FAM168A: variants seen among roughly 807,000 people sequenced by gnomAD.
FAM168A encodes the protein protein FAM168A.
In FAM168A, 3 loss-of-function variants were observed where a neutral mutation model predicts 28.5. The observed-to-expected ratio is 0.11, with a 90% CI of 0.05 to 0.27. FAM168A has a LOEUF of 0.27. FAM168A is among the 10% of genes least tolerant of loss of function. The probability of loss-of-function intolerance (pLI) is 1.00; values close to 1 mark genes in which losing one functional copy is unlikely to be tolerated. For synonymous variants in FAM168A, 122 were observed against 124.2 expected (o/e 0.98, Z 0.12); for missense variants, 222 against 311.5 (o/e 0.71, Z 2.16).
At chr11:73,544,963 A>AATATATATTATATAATATATTTT (rs1943718791) in intron 1 of FAM168A, among the ~76,000 whole-genome samples, 1 of 92,730 alleles carries the variant, frequency 1.1e-5, no homozygotes, top group Non-Finnish European at 1.8e-5. Flanking sequence ...TATTATATAT[A>AATATATATTATATAATATATTTT]ATATATATTA....
intron 1 of FAM168A, among the ~76,000 whole-genome samples, chr11:73,498,563 C>T (rs1315866792): frequency 1.3e-5 from 2 of 152,184 alleles, no homozygotes; most frequent in African/African-American, 4.8e-5. Flanking sequence ...GTTTGAGCTC[C>T]TTGGGGAGGG....
intron 1 of FAM168A, among the ~76,000 whole-genome samples, chr11:73,596,731 T>A (rs1476222138): frequency 6.6e-6 from 1 of 151,798 alleles, no homozygotes; most frequent in African/African-American, 2.4e-5. Flanking sequence ...TCCAACCCAA[T>A]TCCCCCCTGC....
At chr11:73,596,772 C>A (rs1391485289) in intron 1 of FAM168A, among the ~76,000 whole-genome samples, 1 of 152,108 alleles carries the variant, frequency 6.6e-6, no homozygotes, top group African/African-American at 2.4e-5. Context: ...CCCTCTCCAT[C>A]CTCTCTGCCC....
intron 5 of FAM168A, among the ~76,000 whole-genome samples, chr11:73,409,863 G>A (rs957771518): frequency 1.3e-5 from 2 of 152,184 alleles, no homozygotes; most frequent in African/African-American, 4.8e-5. Context: ...TTGCTCATAA[G>A]GCTGCTATGA....
chr11:73,531,436 T>C (rs1184754499), intron 1 of FAM168A, among the ~76,000 whole-genome samples: 2 of 152,196 alleles, frequency 1.3e-5, no homozygotes, highest in Non-Finnish European at 2.9e-5. Context: ...GACAACATCC[T>C]GGAAGGCTTT....
In FAM168A at chr11:73,511,412, ATT is replaced by A. The variant is rs554730771; in HGVS notation, c.-18-42922_-18-42921del. On this transcript the variant is annotated intron_variant, in intron 1 of 7. Transcript: ENST00000356467. ...CCACTACGCCCGGCTAATTTTTTATATTTTCAGTAGAGACGGGGTTTCACCTG... is the reference window on the plus strand; with the variant it reads ...CCACTACGCCCGGCTAATTTTTTATATTCAGTAGAGACGGGGTTTCACCTG... Among the ~76,000 whole-genome samples the A allele has an allele frequency of 4.1e-4, 62 of 151,510 alleles. No homozygotes were observed. The South Asian group carries it at 0.012, about 30-fold the overall frequency.
At chr11:73,461,026 C>T (rs1867637490) in intron 2 of FAM168A, among the ~76,000 whole-genome samples, 2 of 152,158 alleles carry the variant, frequency 1.3e-5, no homozygotes, top group Admixed American at 6.5e-5. Context: ...TCTGTCCATC[C>T]ATTTGTTGAA....
intron 1 of FAM168A, among the ~76,000 whole-genome samples, chr11:73,553,111 T>C (rs1262591297): frequency 6.6e-6 from 1 of 152,224 alleles, no homozygotes; most frequent in Non-Finnish European, 1.5e-5. Context: ...GTTATTATTA[T>C]GGCCCTTTTT....
intron 1 of FAM168A, among the ~76,000 whole-genome samples, chr11:73,521,228 C>T (rs995052672): frequency 6.6e-6 from 1 of 152,092 alleles, no homozygotes; most frequent in African/African-American, 2.4e-5. Flanking sequence ...CCAGTTAGCC[C>T]CATAAAAGAA....
intron 1 of FAM168A, among the ~76,000 whole-genome samples, chr11:73,548,828 G>T (rs1467544087): frequency 6.6e-6 from 1 of 151,964 alleles, no homozygotes. Flanking sequence ...TAAAGGTGGG[G>T]TCTCCCTATG....
intron 1 of FAM168A, among the ~76,000 whole-genome samples, chr11:73,485,034 A>G (rs1193034423): frequency 6.6e-6 from 1 of 152,142 alleles, no homozygotes; most frequent in African/African-American, 2.4e-5. Flanking sequence ...CACTGACTAA[A>G]ATATTAATCT....
intron 1 of FAM168A, among the ~76,000 whole-genome samples, chr11:73,535,323 C>T (rs1943563354): frequency 6.6e-6 from 1 of 152,024 alleles, no homozygotes; most frequent in Non-Finnish European, 1.5e-5. Context: ...TCACTGCAGC[C>T]TTAAACTCCT....
intron 1 of FAM168A, among the ~76,000 whole-genome samples, chr11:73,570,746 AGAC>A (rs1944076607): frequency 3.3e-5 from 5 of 151,734 alleles, no homozygotes. Flanking sequence ...AAAAAAAAAA[AGAC>A]AAGACAAGAA....
intron 2 of FAM168A, among the ~76,000 whole-genome samples, chr11:73,466,506 AAT>A (rs1268867744): frequency 2.6e-5 from 4 of 152,178 alleles, no homozygotes; most frequent in African/African-American, 9.6e-5. Context: ...AATTATAATT[AAT>A]ATATAGTACC....
intron 1 of FAM168A, among the ~76,000 whole-genome samples, chr11:73,571,887 TGCCCCACC>T (rs1250800449): frequency 7.1e-6 from 1 of 140,196 alleles, no homozygotes; most frequent in East Asian, 2.5e-4. Context: ...GGAGCGCCCC[TGCCCCACC>T]GCCCCACCGC....
chr11:73,522,218 T>A (rs558061336), intron 1 of FAM168A, among the ~76,000 whole-genome samples: 520 of 125,566 alleles, frequency 4.1e-3, no homozygotes, highest in African/African-American at 0.015. Context: ...AAAAAAAAAA[T>A]GGACATGGCT....
At chr11:73,511,472 T>A (rs1447161690) in intron 1 of FAM168A, among the ~76,000 whole-genome samples, 1 of 151,822 alleles carries the variant, frequency 6.6e-6, no homozygotes, top group Non-Finnish European at 1.5e-5. Context: ...CTCCTGACCT[T>A]GTGATCTGCC....
chr11:73,488,822 AAAAT>A (rs1315483225), intron 1 of FAM168A, among the ~76,000 whole-genome samples: 1 of 152,186 alleles, frequency 6.6e-6, no homozygotes, highest in Non-Finnish European at 1.5e-5. Context: ...TGTCTCACAT[AAAAT>A]AAATACATAA....
intron 3 of FAM168A, 76 bp from the exon 4 acceptor site, chr11:73,420,075 G>T (rs1866765734): frequency 6.4e-7 from 1 of 1,564,938 alleles, no homozygotes; most frequent in Middle Eastern, 1.8e-4. Context: ...CAAAGCAAGG[G>T]TCTTGTGCTG....
Sources: gnomAD v4.1 joint callset for allele counts (sites outside exome capture counted in the v4.1 genomes callset) on GRCh38, gnomAD v4.1.1 for gene constraint, MANE v1.5 for transcripts, NCBI Gene and HGNC (gene_info 2026-07-23, HGNC 2026-07-21) for gene names.